CLTCL1: variants seen among roughly 807,000 people sequenced by gnomAD.
CLTCL1 encodes the protein clathrin heavy chain 2.
CLTCL1 carries 159 observed loss-of-function variants against 190.0 expected under a neutral mutation model. The observed-to-expected ratio is 0.84, with a 90% CI of 0.74 to 0.95. The LOEUF (loss-of-function observed/expected upper bound fraction) is 0.95. CLTCL1 is among the 40% of genes least tolerant of loss of function. CLTCL1 has a pLI of 0.00. For synonymous variants in CLTCL1, 752 were observed against 769.6 expected, an observed-to-expected ratio of 0.98 and a Z score of 0.38; for missense variants, 1,878 against 2,033.4, an observed-to-expected ratio of 0.92 and a Z score of 1.47.
intron 15 of CLTCL1, 34 bp from the exon 16 acceptor site, chr22:19,222,127 GC>G (rs782091519): frequency 3.1e-5 from 50 of 1,609,010 alleles, no homozygotes; most frequent in Non-Finnish European, 4.2e-5. Flanking sequence ...CTTCAGTGTT[GC>G]AAACACAAGT....
intron 1 of CLTCL1, among the ~76,000 whole-genome samples, chr22:19,279,278 G>A (rs2087623502): frequency 6.6e-6 from 1 of 151,968 alleles, no homozygotes; most frequent in African/African-American, 2.4e-5. Context: ...TGGGACTACA[G>A]GCATGCGCCA....
intron 30 of CLTCL1, chr22:19,181,819 C>T (rs947109): frequency 0.059 from 8,986 of 152,320 alleles, 325 homozygotes; most frequent in Middle Eastern, 0.16. Context: ...CCATGACAGG[C>T]GTCTCATCTG....
At chr22:19,238,578 G>C in intron 5 of CLTCL1, 1 of 213,720 alleles carries the variant, frequency 4.7e-6, no homozygotes, top group Non-Finnish European at 1.0e-5. Flanking sequence ...CTGTTTTAGG[G>C]AACCTCACAA....
chr22:19,235,017 T>C (rs1473133621), intron 6 of CLTCL1, among the ~76,000 whole-genome samples: 1 of 152,238 alleles, frequency 6.6e-6, no homozygotes, highest in Non-Finnish European at 1.5e-5. Context: ...ATTTTTAAAG[T>C]ACAGAGTTTC....
chr22:19,180,267 G>GGCC lies in CLTCL1; in HGVS notation c.4904-30_4904-29insGGC, dbSNP rs574647660. The GGCC allele has an allele frequency of 1.6e-4, 262 of 1,613,300 alleles. 1 individual carries two copies. The South Asian group carries it at 2.8e-3, about 17-fold the overall frequency. On this transcript the variant is annotated intron_variant, in intron 31 of 32. Transcript: ENST00000427926. ...AAAAAACCAGAATGACATTAATGGTGGAAGGACACACTCAGCCGGACGCTG... is the reference window on the plus strand; with the variant it reads ...AAAAAACCAGAATGACATTAATGGTGGCCGAAGGACACACTCAGCCGGACGCTG...
intron 1 of CLTCL1, among the ~76,000 whole-genome samples, chr22:19,290,975 C>T (rs1346653382): frequency 6.6e-6 from 1 of 152,186 alleles, no homozygotes; most frequent in Admixed American, 6.5e-5. Context: ...GCGAGCGGCC[C>T]GCACGACGCC....
chr22:19,218,816 C>T (rs1354385846), intron 18 of CLTCL1, among the ~76,000 whole-genome samples: 1 of 152,212 alleles, frequency 6.6e-6, no homozygotes, highest in Non-Finnish European at 1.5e-5. Flanking sequence ...CTCCCACCTG[C>T]CAGGCCATAC....
intron 1 of CLTCL1, among the ~76,000 whole-genome samples, chr22:19,284,816 T>G (rs1369747983): frequency 6.6e-6 from 1 of 151,426 alleles, no homozygotes; most frequent in African/African-American, 2.4e-5. Context: ...TAGCCAGGCA[T>G]GGTGGCACGC....
rs1555982988 is a variant in CLTCL1 at position 19,275,800 on chromosome 22, T to C, written c.73A>G (p.Ile25Val). 9.3e-6 allele frequency: 15 copies of C among 1,606,222 alleles called. No homozygotes were observed. The highest frequency in any genetic ancestry group is 1.1e-5 in the Non-Finnish European group (13 of 1,176,288). ...LQNLGINPAN[I>V]GFSTLTMESD... ...TCCATGGTCAGTGTGCTGAATCCAATGTTAGCTGGATTAATTCCAAGGTTT... is the reference window on the plus strand; with the variant it reads ...TCCATGGTCAGTGTGCTGAATCCAACGTTAGCTGGATTAATTCCAAGGTTT... Residue 25 changes from isoleucine to valine, a missense_variant, in exon 2 of 33, where the codon ATT (isoleucine) becomes GTT (valine). By Grantham distance (29) the Ile-to-Val change is conservative. Transcript: ENST00000427926.
At position 19,242,660 on chromosome 22, in the gene CLTCL1, C is replaced by G. The variant is rs1204092737; in HGVS notation, c.681+115G>C. ...CACGGTGCACAGTTCTCAACACCAC[C>G]ATGAACCTTTCCTCACACAGACATC... On this transcript the variant is annotated intron_variant, in intron 4 of 32. Transcript: ENST00000427926. The G allele has an allele frequency of 4.3e-6, 5 of 1,168,610 alleles. No individual in the cohort carries two copies. In the African/African-American group the frequency reaches 7.6e-5, roughly 18 times the overall value. 72.4% of individuals were successfully genotyped at this position (1,168,610 alleles called of 1,614,324 possible). A position where few individuals can be genotyped will look rare whatever the true frequency, so the allele number is the denominator to read the frequency against.
At chr22:19,232,445 C>A in intron 10 of CLTCL1, 31 bp downstream of exon 10, 1 of 1,613,272 alleles carries the variant, frequency 6.2e-7, no homozygotes, top group South Asian at 1.1e-5. Flanking sequence ...TAAAAAGCCA[C>A]AAAAAGTTGT....
At chr22:19,242,087 C>T (rs909719497) in intron 4 of CLTCL1, among the ~76,000 whole-genome samples, 5 of 151,292 alleles carry the variant, frequency 3.3e-5, no homozygotes, top group Non-Finnish European at 4.4e-5. Context: ...GGACTACAAG[C>T]GCACACAGCC....
At chr22:19,219,788 G>C in intron 18 of CLTCL1, 97 bp downstream of exon 18, 1 of 1,565,776 alleles carries the variant, frequency 6.4e-7, no homozygotes, top group South Asian at 1.1e-5. Context: ...CCTCAGCCAA[G>C]ATGTTTTAAA....
intron 1 of CLTCL1, among the ~76,000 whole-genome samples, chr22:19,277,630 C>T (rs782372034): frequency 6.6e-6 from 1 of 152,156 alleles, no homozygotes; most frequent in East Asian, 1.9e-4. Context: ...CATGTTCCAA[C>T]GTTGGGTTAT....
intron 2 of CLTCL1, among the ~76,000 whole-genome samples, chr22:19,274,021 A>C (rs1450344896): frequency 6.6e-6 from 1 of 151,960 alleles, no homozygotes; most frequent in Non-Finnish European, 1.5e-5. Context: ...ACACACACAC[A>C]CCCTAGGAGC....
At chr22:19,265,369 G>T (rs1004980773) in intron 2 of CLTCL1, among the ~76,000 whole-genome samples, 1 of 151,984 alleles carries the variant, frequency 6.6e-6, no homozygotes. Flanking sequence ...TCCACAAAAA[G>T]AAATAAAGAG....
chr22:19,201,397 GA>G lies in CLTCL1; in HGVS notation c.3696del (p.His1233ThrfsTer54), dbSNP rs1555939251. On this transcript the variant is annotated frameshift_variant, in exon 23 of 33. Transcript: ENST00000427926. LOFTEE classifies it high-confidence loss of function. ...ACTGCTGCCTGATACTCACCGAGGT[GA>G]ACCAAGGTGGAAGCCAGGCGGGCAA... is the stretch of plus-strand genomic sequence containing the variant. ...SNFARLASTL[V>X]HLGEYQAAVD... 6.2e-7 allele frequency: 1 copy of G among 1,613,834 alleles called. No homozygotes were observed. Among genetic ancestry groups the G allele is most frequent in the South Asian group, 1.1e-5 (1 of 91,080 alleles).
rs1458488582 is a variant in CLTCL1, at chr22:19,179,968, G to C, written c.*22C>G. Reference sequence around the variant, plus strand: ...TGGCAGGGGCTGGGCCCACGGCAGGGCCTGCAGAGGGGGAAGCCCACAATG... The same window carrying C: ...TGGCAGGGGCTGGGCCCACGGCAGGCCCTGCAGAGGGGGAAGCCCACAATG... On this transcript the variant is annotated splice_region_variant and 3_prime_UTR_variant, in exon 33 of 33. Coordinates refer to ENST00000427926, the MANE Select transcript of CLTCL1 (RefSeq NM_007098.4). 1.8e-5 allele frequency: 10 copies of C among 569,556 alleles called. No individual in the cohort carries two copies. The highest frequency in any genetic ancestry group is 3.1e-5 in the Non-Finnish European group (10 of 319,690). The allele number at this position is 569,556 out of a possible 1,614,324, so 35.3% of individuals were successfully genotyped here.
intron 30 of CLTCL1, chr22:19,183,120 T>C (rs963932430): frequency 2.0e-4 from 92 of 456,338 alleles, no homozygotes; most frequent in African/African-American, 1.8e-3. Context: ...CCTAGCAGTG[T>C]GCACATTGGG....
Sources: allele counts gnomAD v4.1 joint callset (sites outside exome capture counted in the v4.1 genomes callset), GRCh38; gene constraint gnomAD v4.1.1; transcripts MANE v1.5; gene names NCBI Gene and HGNC (gene_info 2026-07-23, HGNC 2026-07-21).